The following DLG5 variants were observed in gnomAD, a reference collection of about 807,000 sequenced individuals.
DLG5 encodes disks large homolog 5.
A neutral mutation model predicts 189.8 loss-of-function variants in DLG5; 48 were observed. The ratio of observed to expected loss-of-function variants is 0.25; its 90% CI spans 0.20 to 0.32. DLG5 has a LOEUF of 0.32. Ranked by LOEUF, DLG5 falls within the 10% of genes least tolerant of loss-of-function variation. The pLI, the probability that DLG5 is intolerant of heterozygous loss-of-function variation, is 1.00. For synonymous variants in DLG5, 1,016 were observed against 1,054.1 expected, an observed-to-expected ratio of 0.96 and a Z score of 0.70; for missense variants, 2,160 against 2,544.7, an observed-to-expected ratio of 0.85 and a Z score of 3.25.
chr10:77,838,244 G>A (rs1046228934), intron 7 of DLG5, among the ~76,000 whole-genome samples: 15 of 152,186 alleles, frequency 9.9e-5, no homozygotes, highest in African/African-American at 3.4e-4. Flanking sequence ...GACGGAACTC[G>A]GTGAGCAGGG....
chr10:77,930,230 G>A (rs59152091), upstream of DLG5, among the ~76,000 whole-genome samples: 261 of 152,152 alleles, frequency 1.7e-3, 1 homozygote, highest in African/African-American at 5.9e-3. Context: ...GTTTCCTTCG[G>A]AAACAATCAT....
intron 1 of DLG5, among the ~76,000 whole-genome samples, chr10:77,885,940 G>A (rs532647557): frequency 9.6e-4 from 146 of 152,238 alleles, no homozygotes; most frequent in Non-Finnish European, 1.6e-3. Flanking sequence ...GCCCTCCAGC[G>A]AAGGCAAGAG....
rs561340841 is a variant in DLG5, at chr10:77,811,399, T to C, written c.4323-165A>G. 2.0e-5 allele frequency among the ~76,000 whole-genome samples: 3 copies of C among 151,738 alleles called. No individual in the cohort carries two copies. The South Asian group carries it at 6.3e-4, about 32-fold the overall frequency. ...ACATTAGAAGCCTGGACCCATGACA[T>C]CCACCTGTCCTCTCCCCTCCACCTG... is the stretch of plus-strand genomic sequence containing the variant. On this transcript the variant is annotated intron_variant, in intron 22 of 31. Transcript: ENST00000372391.
Position 77,889,235 on chromosome 10 carries a change from C to A in DLG5, c.305-20038G>T, listed in dbSNP as rs1390857423. Among the ~76,000 whole-genome samples the A allele has an allele frequency of 4.0e-5, 6 of 151,694 alleles. No individual in the cohort carries two copies. The East Asian group carries it at 9.7e-4, about 25-fold the overall frequency. ...CCAGGCCTCACAAGCCCACAGGTAACCTCCCAGGCCTCTGCCAAGCAGAAC... is the reference window on the plus strand; with the variant it reads ...CCAGGCCTCACAAGCCCACAGGTAAACTCCCAGGCCTCTGCCAAGCAGAAC... On this transcript the variant is annotated intron_variant, in intron 1 of 31. Coordinates refer to ENST00000372391, the MANE Select transcript of DLG5 (RefSeq NM_004747.4).
rs1434362171 is a variant in DLG5, at chr10:77,807,921, G to C, written c.4671C>G (p.Asn1557Lys). ...ILEYGSLDVR[N>K]KTVEEVYVEM... ...CCACATAGACTTCCTCCACTGTCTT[G>C]TTCCGCACGTCCAGGCTGCCATACT... The change falls in exon 25 of 32, where the codon AAC becomes AAG. Residue 1557 changes from asparagine to lysine, a missense_variant. This residue lies in a region of DLG5 where 574 missense variants were observed against 644.2 expected (regional missense o/e 0.89). Coordinates refer to ENST00000372391, the MANE Select transcript of DLG5 (RefSeq NM_004747.4). The C allele has an allele frequency of 6.2e-7, 1 of 1,614,236 alleles. No homozygotes were observed. The highest frequency in any genetic ancestry group is 2.2e-5 in the East Asian group (1 of 44,886).
At position 77,796,728 on chromosome 10, in the gene DLG5, T is replaced by C; in HGVS notation, c.5165-134A>G. The C allele has an allele frequency of 8.6e-7, 1 of 1,159,656 alleles. No homozygotes were observed. The allele number at this position is 1,159,656 out of a possible 1,614,324, so 71.8% of individuals were successfully genotyped here. A position where few individuals can be genotyped will look rare whatever the true frequency, so the allele number is the denominator to read the frequency against. On this transcript the variant is annotated intron_variant, in intron 27 of 31. Transcript: ENST00000372391. This position sits in a 1 kb window ranked among gnomAD's most constrained non-coding sequence, Gnocchi z 5.2. ...TCCCCCAGCTTCAGCACTGAAAATCTCGTGTCCCAGGCACAACCGGGCATC... is the reference window on the plus strand; with the variant it reads ...TCCCCCAGCTTCAGCACTGAAAATCCCGTGTCCCAGGCACAACCGGGCATC...
chr10:77,813,340 C>T (rs538298194), intron 20 of DLG5, among the ~76,000 whole-genome samples: 144 of 152,280 alleles, frequency 9.5e-4, no homozygotes, highest in Middle Eastern at 3.4e-3. Flanking sequence ...CACCCCACCC[C>T]GGCCACCTGG....
chr10:77,929,021 C>CT, upstream of DLG5: 1 of 151,650 alleles, frequency 6.6e-6, no homozygotes, highest in Non-Finnish European at 1.5e-5. Context: ...GAGCAAGACT[C>CT]TGTCTCAAAA....
At chr10:77,843,940 C>G (rs1277746342) in intron 5 of DLG5, among the ~76,000 whole-genome samples, 1 of 152,162 alleles carries the variant, frequency 6.6e-6, no homozygotes, top group African/African-American at 2.4e-5. Context: ...TTGTGCAGAA[C>G]AGTTAACACA....
At chr10:77,872,037 A>G (rs2154577144) in intron 1 of DLG5, among the ~76,000 whole-genome samples, 1 of 152,340 alleles carries the variant, frequency 6.6e-6, no homozygotes, top group Admixed American at 6.5e-5. Context: ...TATGGGGGCA[A>G]GGAAGGCTAG....
At chr10:77,824,562 T>G (rs1842522664) in intron 13 of DLG5, 86 bp from the exon 14 acceptor site, 3 of 1,044,468 alleles carry the variant, frequency 2.9e-6, no homozygotes, top group East Asian at 2.5e-5. Context: ...TAACCTCCTG[T>G]GCTAGACAGT....
At chr10:77,802,526 AC>A (rs1316326455) in intron 27 of DLG5, among the ~76,000 whole-genome samples, 1 of 152,234 alleles carries the variant, frequency 6.6e-6, no homozygotes, top group Non-Finnish European at 1.5e-5. Flanking sequence ...AAAGGCAAAA[AC>A]CGATGAATAA....
intron 27 of DLG5, among the ~76,000 whole-genome samples, chr10:77,797,683 G>C (rs1047012869): frequency 2.6e-5 from 4 of 152,210 alleles, no homozygotes; most frequent in African/African-American, 9.6e-5. Flanking sequence ...GGGTCCATGA[G>C]AGGCTTGGCC....
intron 2 of DLG5, among the ~76,000 whole-genome samples, chr10:77,860,806 C>A (rs1210094609): frequency 6.6e-6 from 1 of 152,150 alleles, no homozygotes; most frequent in Non-Finnish European, 1.5e-5. Context: ...AAAACTTGCA[C>A]ATTTTTGGAT....
intron 7 of DLG5, among the ~76,000 whole-genome samples, chr10:77,840,090 A>G (rs1248669): frequency 0.75 from 113,642 of 152,216 alleles, 43,503 homozygotes; most frequent in African/African-American, 0.92. Flanking sequence ...TGAAGAAACT[A>G]AGGCTGGCTG....
At chr10:77,808,070 C>T in intron 24 of DLG5, 126 bp from the exon 25 acceptor site, 1 of 1,169,440 alleles carries the variant, frequency 8.6e-7, no homozygotes, top group Non-Finnish European at 1.2e-6. Context: ...ACTCTGGCTA[C>T]CTCCCCTCTG....
Position 77,821,255 on chromosome 10 carries a change from A to G in DLG5, c.3229T>C (p.Tyr1077His), listed in dbSNP as rs762020167. The change falls in exon 15 of 32, where the codon TAC becomes CAC. Residue 1077 changes from tyrosine to histidine, a missense_variant. Transcript: ENST00000372391. The stretch of plus-strand genomic sequence containing the variant: ...GAGTCCCCATCTCCTTCAGGGTAGT[A>G]GCTGGAAGCAATGCGGACCCTGGCC... ...RKARVRIASS[Y>H]YPEGDGDSSH... The G allele has an allele frequency of 4.3e-6, 7 of 1,613,964 alleles. No individual in the cohort carries two copies. The highest frequency in any genetic ancestry group is 1.1e-5 in the South Asian group (1 of 91,090).
upstream of DLG5, among the ~76,000 whole-genome samples, chr10:77,931,579 A>G (rs1846786594): frequency 6.6e-6 from 1 of 151,984 alleles, no homozygotes; most frequent in African/African-American, 2.4e-5. Context: ...ACAACTCCCC[A>G]TAGAAAACTG....
At chr10:77,811,016 C>T in intron 23 of DLG5, 78 bp downstream of exon 23, 1 of 1,537,422 alleles carries the variant, frequency 6.5e-7, no homozygotes, top group Non-Finnish European at 8.7e-7. Context: ...TGCCCAGTGC[C>T]CACGCCACTT....
Sources: allele counts gnomAD v4.1 joint callset (sites outside exome capture counted in the v4.1 genomes callset), GRCh38; gene constraint gnomAD v4.1.1; regional missense constraint gnomAD v4.1.1; non-coding constraint Gnocchi (gnomAD v3.1); transcripts MANE v1.5; gene names NCBI Gene and HGNC (gene_info 2026-07-23, HGNC 2026-07-21).